Variants in COL14A1 observed in about 807,000 individuals in gnomAD.
The protein encoded by COL14A1 is collagen type XIV alpha 1 chain.
COL14A1 carries 136 observed loss-of-function variants against 230.3 expected under a neutral mutation model. The ratio of observed to expected loss-of-function variants is 0.59; its 90% CI spans 0.51 to 0.68. The LOEUF (loss-of-function observed/expected upper bound fraction) is 0.68, where lower values mean the gene tolerates loss of function less well. Ranked by LOEUF, COL14A1 falls within the 30% of genes least tolerant of loss-of-function variation. COL14A1 has a pLI of 0.00. For synonymous variants in COL14A1, 792 were observed against 784.1 expected (o/e 1.01, Z -0.17); for missense variants, 1,976 against 2,215.8 (o/e 0.89, Z 2.17).
At chr8:120,276,128 A>G (rs1301812919) in intron 26 of COL14A1, among the ~76,000 whole-genome samples, 1 of 150,988 alleles carries the variant, frequency 6.6e-6, no homozygotes, top group Non-Finnish European at 1.5e-5. Context: ...ATATATGTAA[A>G]AAAATATATT....
intron 26 of COL14A1, among the ~76,000 whole-genome samples, chr8:120,275,251 C>A (rs1322647763): frequency 2.0e-5 from 3 of 151,886 alleles, no homozygotes; most frequent in Admixed American, 6.6e-5. Context: ...GGAAATGACA[C>A]CCTATTTAAT....
chr8:120,192,572 C>T (rs1228502602), intron 5 of COL14A1, among the ~76,000 whole-genome samples: 1 of 152,104 alleles, frequency 6.6e-6, no homozygotes, highest in African/African-American at 2.4e-5. Flanking sequence ...CTCTGTATTT[C>T]CTGAATCTGA....
intron 19 of COL14A1, among the ~76,000 whole-genome samples, chr8:120,239,878 A>T (rs1818562141): frequency 6.6e-6 from 1 of 151,348 alleles, no homozygotes; most frequent in Admixed American, 6.6e-5. Context: ...TTTTCTGAGA[A>T]ATACATTAAG....
At chr8:120,359,714 CAT>C (rs1341602946) in intron 45 of COL14A1, among the ~76,000 whole-genome samples, 1 of 152,156 alleles carries the variant, frequency 6.6e-6, no homozygotes, top group African/African-American at 2.4e-5. Flanking sequence ...CCAGTGAGGT[CAT>C]AGTGTCAGCG....
At chr8:120,143,356 C>A (rs924420274) in intron 1 of COL14A1, among the ~76,000 whole-genome samples, 1 of 152,140 alleles carries the variant, frequency 6.6e-6, no homozygotes, top group Non-Finnish European at 1.5e-5. Context: ...CAGTGGCTCA[C>A]GCCTGTAAAC....
At chr8:120,327,547 G>A (rs1170006558) in intron 40 of COL14A1, among the ~76,000 whole-genome samples, 3 of 152,052 alleles carry the variant, frequency 2.0e-5, no homozygotes, top group Non-Finnish European at 4.4e-5. Context: ...CTAACCTTAA[G>A]CTTTTACTAA....
At chr8:120,286,052 T>C (rs1457923986) in intron 33 of COL14A1, 82 bp downstream of exon 33, 2 of 786,604 alleles carry the variant, frequency 2.5e-6, no homozygotes, top group African/African-American at 3.6e-5. Context: ...CATAGGGCTT[T>C]GGATCTCAAA....
rs1396428161 is a variant in COL14A1 at position 120,197,761 on chromosome 8, T to C, written c.593-50T>C. The C allele has an allele frequency of 5.7e-6, 9 of 1,571,482 alleles. No individual in the cohort carries two copies. The African/African-American group carries it at 9.5e-5, about 17-fold the overall frequency. Reference sequence around the variant, plus strand: ...CCAGTTTCTTGAGTAGCCCACTAGATTTTTGAGTAACCCATTATTCCTGGT... The same window carrying C: ...CCAGTTTCTTGAGTAGCCCACTAGACTTTTGAGTAACCCATTATTCCTGGT... On this transcript the variant is annotated intron_variant, in intron 6 of 47. Coordinates refer to ENST00000297848, the MANE Select transcript of COL14A1 (RefSeq NM_021110.4).
At chr8:120,361,061 C>A (rs1011425478) in intron 45 of COL14A1, among the ~76,000 whole-genome samples, 1 of 151,340 alleles carries the variant, frequency 6.6e-6, no homozygotes, top group African/African-American at 2.5e-5. Context: ...GCTCCAGTCA[C>A]ATTTTTTTTT....
In COL14A1 at chr8:120,342,364, T is replaced by G. The variant is rs368846442; in HGVS notation, c.4822-16T>G. 7 of 1,612,312 alleles carry G rather than the reference T, an allele frequency of 4.3e-6. No homozygotes were observed. The African/African-American group carries it at 6.7e-5, about 15-fold the overall frequency. On this transcript the variant is annotated splice_polypyrimidine_tract_variant and intron_variant, in intron 43 of 47. Transcript: ENST00000297848. The stretch of plus-strand genomic sequence containing the variant: ...GCTTGTAGCTGAGTCAGGAGTATGC[T>G]TTTTTTCTCATCCAGGGTGACCTGC...
At position 120,228,757 on chromosome 8, in the gene COL14A1, T is replaced by A. The variant is rs749350101; in HGVS notation, c.2185T>A (p.Ser729Thr). The A allele has an allele frequency of 6.2e-7, 1 of 1,613,880 alleles. No individual in the cohort carries two copies. The highest frequency in any genetic ancestry group is 8.5e-7 in the Non-Finnish European group (1 of 1,179,838). The stretch of plus-strand genomic sequence containing the variant: ...AGCTACAACCATAGTGCCTACCACA[T>A]CTGTGACTTCAGGTAAGGTCAAATA... ...EPATTIVPTT[S>T]VTSVFQTGIR... Residue 729 changes from serine (S) to threonine (T), a missense_variant, in exon 18 of 48, where the codon TCT (serine) becomes ACT (threonine). Coordinates refer to ENST00000297848, the MANE Select transcript of COL14A1 (RefSeq NM_021110.4).
At chr8:120,226,788 G>A (rs766461638) in intron 16 of COL14A1, 22 bp downstream of exon 16, 10 of 1,609,302 alleles carry the variant, frequency 6.2e-6, no homozygotes, top group African/African-American at 1.3e-5. Context: ...GAAACAGACT[G>A]AAAATTAATC....
At chr8:120,285,463 CAAAAAAAA>C (rs1218052645) in intron 32 of COL14A1, among the ~76,000 whole-genome samples, 3 of 64,998 alleles carry the variant, frequency 4.6e-5, no homozygotes, top group East Asian at 5.4e-4. Flanking sequence ...GACTCCATCT[CAAAAAAAA>C]AAAAAAAAAA....
intron 38 of COL14A1, among the ~76,000 whole-genome samples, chr8:120,315,027 G>A (rs1226541621): frequency 6.6e-6 from 1 of 152,128 alleles, no homozygotes; most frequent in Non-Finnish European, 1.5e-5. Flanking sequence ...TAAATGTTCA[G>A]CTCCATAGGA....
intron 5 of COL14A1, among the ~76,000 whole-genome samples, chr8:120,186,649 A>G (rs951492330): frequency 4.6e-5 from 7 of 152,204 alleles, no homozygotes; most frequent in African/African-American, 1.7e-4. Flanking sequence ...AAATAACTGT[A>G]ATCCACTTTC....
intron 42 of COL14A1, among the ~76,000 whole-genome samples, chr8:120,333,760 GC>G (rs1821951408): frequency 6.6e-6 from 1 of 152,150 alleles, no homozygotes; most frequent in Non-Finnish European, 1.5e-5. Context: ...CTCTTTCCTG[GC>G]CTTTTCTAGC....
intron 7 of COL14A1, among the ~76,000 whole-genome samples, chr8:120,199,184 A>G (rs1817145054): frequency 6.6e-6 from 1 of 152,194 alleles, no homozygotes; most frequent in Non-Finnish European, 1.5e-5. Context: ...CTAGTTTCTG[A>G]AAGAATGCAG....
chr8:120,364,226 A>G (rs371287475), intron 45 of COL14A1, among the ~76,000 whole-genome samples: 1 of 152,158 alleles, frequency 6.6e-6, no homozygotes, highest in East Asian at 1.9e-4. Context: ...GGTTTTGTCT[A>G]TAAAAAAATG....
chr8:120,330,165 A>G (rs1212124762), intron 40 of COL14A1, among the ~76,000 whole-genome samples: 4 of 152,172 alleles, frequency 2.6e-5, no homozygotes, highest in Admixed American at 2.6e-4. Context: ...CAAAACAGCT[A>G]AGCAATGTGC....
Sources: gnomAD v4.1 joint callset for allele counts (sites outside exome capture counted in the v4.1 genomes callset) on GRCh38, gnomAD v4.1.1 for gene constraint, MANE v1.5 for transcripts, NCBI Gene and HGNC (gene_info 2026-07-23, HGNC 2026-07-21) for gene names.